Variants in AGMO observed in about 807,000 individuals in gnomAD.
AGMO encodes the protein alkylglycerol monooxygenase.
AGMO carries 75 observed loss-of-function variants against 60.2 expected under a neutral mutation model. That is an observed-to-expected ratio of 1.25 (90% confidence interval 1.03 to 1.51). AGMO has a LOEUF of 1.51. Among genes scored for constraint, AGMO ranks in the 40% most tolerant of loss-of-function variants. The pLI, the probability that AGMO is intolerant of heterozygous loss-of-function variation, is 0.00. For missense variants in AGMO, 763 were observed against 525.5 expected (o/e 1.45, Z -4.42); for synonymous variants, 261 against 177.1 (o/e 1.47, Z -3.76).
At chr7:15,204,823 T>G (rs1781399346) in intron 12 of AGMO, among the ~76,000 whole-genome samples, 1 of 152,174 alleles carries the variant, frequency 6.6e-6, no homozygotes, top group South Asian at 2.1e-4. Context: ...ACTGGTGTTT[T>G]ATTCTGCTGC....
intron 3 of AGMO, among the ~76,000 whole-genome samples, chr7:15,503,475 G>A (rs1783438895): frequency 6.6e-6 from 1 of 151,942 alleles, no homozygotes; most frequent in Admixed American, 6.6e-5. Flanking sequence ...ATAGGAAGTT[G>A]AGTACAATTA....
At chr7:15,180,573 G>A in the AGMO span, among the ~76,000 whole-genome samples, 2 of 151,780 alleles carry the variant, frequency 1.3e-5, no homozygotes, top group East Asian at 2.0e-4. Context: ...TCTCTAAGAA[G>A]ATTTAGACTT....
chr7:15,483,017 T>C (rs953654524), intron 3 of AGMO, among the ~76,000 whole-genome samples: 2 of 152,172 alleles, frequency 1.3e-5, no homozygotes, highest in Admixed American at 6.5e-5. Flanking sequence ...TACTCCTTTA[T>C]TGATTATTTT....
chr7:15,534,325 A>C (rs1784434435), intron 3 of AGMO, among the ~76,000 whole-genome samples: 1 of 152,046 alleles, frequency 6.6e-6, no homozygotes, highest in Non-Finnish European at 1.5e-5. Flanking sequence ...CTTTCATGTA[A>C]ATCTTTAAAA....
chr7:15,209,374 A>G (rs1583293404), intron 12 of AGMO, among the ~76,000 whole-genome samples: 1 of 126,870 alleles, frequency 7.9e-6, no homozygotes, highest in East Asian at 2.2e-4. Context: ...GGAAACAAAA[A>G]AAAGTCTCAA....
intron 4 of AGMO, among the ~76,000 whole-genome samples, chr7:15,423,968 T>C (rs1780993026): frequency 1.3e-5 from 2 of 152,152 alleles, no homozygotes; most frequent in African/African-American, 4.8e-5. Flanking sequence ...TTAATACACA[T>C]GCCATACATT....
chr7:15,527,150 AG>A (rs1245042091), intron 3 of AGMO, among the ~76,000 whole-genome samples: 1 of 152,188 alleles, frequency 6.6e-6, no homozygotes, highest in Admixed American at 6.5e-5. Flanking sequence ...TTAAATTAAA[AG>A]CTAGAAATGA....
At chr7:15,299,861 ACACACACACACACACACACACACAC>A (rs1784515258) in intron 12 of AGMO, among the ~76,000 whole-genome samples, 5 of 150,924 alleles carry the variant, frequency 3.3e-5, no homozygotes, top group Non-Finnish European at 7.4e-5. Context: ...ACACACACAC[ACACACACACACACACACACACACAC>A]AGTATGTTTT....
intron 3 of AGMO, among the ~76,000 whole-genome samples, chr7:15,510,812 C>CTT (rs3076843): frequency 0.82 from 120,896 of 148,256 alleles, 49,500 homozygotes; most frequent in East Asian, 0.97. Context: ...CATAAGGAAA[C>CTT]ATTTTATTAC....
chr7:15,440,101 G>A (rs1282771852), intron 3 of AGMO, among the ~76,000 whole-genome samples: 9 of 152,180 alleles, frequency 5.9e-5, no homozygotes. Flanking sequence ...AGAGATGCTT[G>A]TGGGCTTCCC....
the AGMO span, among the ~76,000 whole-genome samples, chr7:15,193,908 G>T: frequency 1.3e-5 from 2 of 151,766 alleles, no homozygotes; most frequent in African/African-American, 4.8e-5. Context: ...TAAATTTCTA[G>T]GCAATTTGCA....
intron 12 of AGMO, among the ~76,000 whole-genome samples, chr7:15,322,835 A>G (rs1779982704): frequency 7.1e-6 from 1 of 140,578 alleles, no homozygotes; most frequent in Non-Finnish European, 1.5e-5. Context: ...CACATAGCAC[A>G]AAATTATAAA....
At chr7:15,406,341 T>C (rs1460570208) in intron 5 of AGMO, among the ~76,000 whole-genome samples, 4 of 145,914 alleles carry the variant, frequency 2.7e-5, no homozygotes, top group African/African-American at 1.0e-4. Flanking sequence ...AATATACATA[T>C]ATATGTGTAT....
At chr7:15,423,580 C>G (rs965615052) in intron 4 of AGMO, among the ~76,000 whole-genome samples, 1 of 152,156 alleles carries the variant, frequency 6.6e-6, no homozygotes, top group Non-Finnish European at 1.5e-5. Flanking sequence ...CAGAATGTGT[C>G]CTTAATTGGA....
At chr7:15,373,770 C>A (rs907116042) in intron 10 of AGMO, among the ~76,000 whole-genome samples, 1 of 152,082 alleles carries the variant, frequency 6.6e-6, no homozygotes, top group Non-Finnish European at 1.5e-5. Context: ...TATTCTAAGG[C>A]TTTAGAAATG....
chr7:15,173,441 T>C, the AGMO span, among the ~76,000 whole-genome samples: 1 of 152,172 alleles, frequency 6.6e-6, no homozygotes, highest in African/African-American at 2.4e-5. Context: ...TAAAGCCACA[T>C]TGATTTCTTA....
At chr7:15,340,892 C>G (rs939464347) in intron 12 of AGMO, among the ~76,000 whole-genome samples, 1 of 152,100 alleles carries the variant, frequency 6.6e-6, no homozygotes. Context: ...GTTCTCGAGA[C>G]CGCAGAATGG....
intron 5 of AGMO, among the ~76,000 whole-genome samples, chr7:15,406,922 T>TACACACACACACACAC (rs573526404): frequency 1.8e-5 from 2 of 109,958 alleles, no homozygotes; most frequent in African/African-American, 7.2e-5. Flanking sequence ...TTGTTTGGAA[T>TACACACACACACACAC]ACACACGCGC....
At chr7:15,341,517 C>A (rs1781846088) in intron 12 of AGMO, among the ~76,000 whole-genome samples, 1 of 152,146 alleles carries the variant, frequency 6.6e-6, no homozygotes, top group Non-Finnish European at 1.5e-5. Flanking sequence ...CAACAAGTCT[C>A]TAGGAAGTTC....
Sources: allele counts gnomAD v4.1 joint callset (sites outside exome capture counted in the v4.1 genomes callset), GRCh38; gene constraint gnomAD v4.1.1; transcripts MANE v1.5; gene names NCBI Gene and HGNC (gene_info 2026-07-23, HGNC 2026-07-21).